PLCB1: variants seen among roughly 807,000 people sequenced by gnomAD.
PLCB1 encodes the protein phospholipase C beta 1, also known as 1-phosphatidylinositol 4,5-bisphosphate phosphodiesterase beta-1.
PLCB1 carries 46 observed loss-of-function variants against 161.8 expected under a neutral mutation model. The observed-to-expected ratio is 0.28, with a 90% CI of 0.22 to 0.36. PLCB1 has a LOEUF of 0.36. Ranked by LOEUF, PLCB1 falls within the 10% of genes least tolerant of loss-of-function variation. The pLI is 1.00. For missense variants in PLCB1, 1,016 were observed against 1,472.5 expected (o/e 0.69, Z 5.07); for synonymous variants, 517 against 503.7 (o/e 1.03, Z -0.35).
intron 3 of PLCB1, among the ~76,000 whole-genome samples, chr20:8,593,042 G>A (rs1283022292): frequency 1.3e-5 from 2 of 152,084 alleles, no homozygotes; most frequent in Non-Finnish European, 2.9e-5. Context: ...CACACAGCCA[G>A]GGTTGAGCCT....
intron 3 of PLCB1, among the ~76,000 whole-genome samples, chr20:8,492,274 A>C (rs1982978944): frequency 6.6e-6 from 1 of 152,014 alleles, no homozygotes; most frequent in Non-Finnish European, 1.5e-5. Flanking sequence ...TAGGCTTTTG[A>C]AAATAGCCCT....
At chr20:8,777,997 C>T (rs944829596) in intron 27 of PLCB1, among the ~76,000 whole-genome samples, 12 of 152,056 alleles carry the variant, frequency 7.9e-5, no homozygotes, top group African/African-American at 2.4e-4. Context: ...AGACTTGCCC[C>T]CATGATTCAT....
intron 3 of PLCB1, among the ~76,000 whole-genome samples, chr20:8,504,076 G>T (rs1459294130): frequency 6.6e-6 from 1 of 152,116 alleles, no homozygotes; most frequent in African/African-American, 2.4e-5. Flanking sequence ...TACTTGAAAG[G>T]CATTGGTTTA....
chr20:8,147,899 G>C (rs537873341), intron 1 of PLCB1, among the ~76,000 whole-genome samples: 1 of 140,802 alleles, frequency 7.1e-6, no homozygotes, highest in Non-Finnish European at 1.5e-5. Flanking sequence ...TTGAGACGGC[G>C]TCTCGCTCTG....
chr20:8,756,992 G>A, intron 23 of PLCB1, 54 bp from the exon 24 acceptor site: 2 of 1,506,134 alleles, frequency 1.3e-6, no homozygotes, highest in African/African-American at 1.4e-5. Context: ...GTTTAGGAAG[G>A]CAAGAAAAGA....
At chr20:8,270,814 G>A (rs562098770) in intron 2 of PLCB1, among the ~76,000 whole-genome samples, 15 of 152,086 alleles carry the variant, frequency 9.9e-5, no homozygotes, top group African/African-American at 3.4e-4. Context: ...GCTTATTTCT[G>A]TCAATAGGGT....
At chr20:8,322,446 C>G (rs1286721573) in intron 2 of PLCB1, among the ~76,000 whole-genome samples, 1 of 151,440 alleles carries the variant, frequency 6.6e-6, no homozygotes, top group Non-Finnish European at 1.5e-5. Flanking sequence ...TTTTATACAC[C>G]AGCTAAGGAG....
chr20:8,749,575 G>A (rs575719952), intron 23 of PLCB1, among the ~76,000 whole-genome samples: 1 of 152,258 alleles, frequency 6.6e-6, no homozygotes, highest in South Asian at 2.1e-4. Context: ...TAGCAGCCAA[G>A]AGTTCATTCC....
chr20:8,593,121 C>T (rs889326956), intron 3 of PLCB1, among the ~76,000 whole-genome samples: 1 of 152,118 alleles, frequency 6.6e-6, no homozygotes, highest in African/African-American at 2.4e-5. Context: ...GGCCTTTCCC[C>T]ATCTTTTGCC....
chr20:8,653,125 G>A (rs551399012), intron 7 of PLCB1: 4 of 152,060 alleles, frequency 2.6e-5, no homozygotes, highest in Non-Finnish European at 5.9e-5. Flanking sequence ...ACTGGCATAC[G>A]GAGTTGCATT....
intron 24 of PLCB1, 104 bp from the exon 25 acceptor site, chr20:8,760,303 T>C (rs1215233631): frequency 1.6e-6 from 1 of 641,868 alleles, no homozygotes. Context: ...GTCATTTCTC[T>C]GAAAAGAGAT....
intron 2 of PLCB1, among the ~76,000 whole-genome samples, chr20:8,239,623 G>T (rs1236524275): frequency 1.3e-5 from 2 of 151,546 alleles, no homozygotes; most frequent in Non-Finnish European, 2.9e-5. Flanking sequence ...GTCAGTTCAT[G>T]TAGCTGTGAG....
intron 3 of PLCB1, among the ~76,000 whole-genome samples, chr20:8,456,768 C>T (rs1600414377): frequency 6.6e-6 from 1 of 152,290 alleles, no homozygotes; most frequent in African/African-American, 2.4e-5. Context: ...GATTTGGTGT[C>T]TGGTGAGAGC....
At chr20:8,616,878 A>G (rs1988053428) in intron 3 of PLCB1, among the ~76,000 whole-genome samples, 1 of 152,176 alleles carries the variant, frequency 6.6e-6, no homozygotes, top group Non-Finnish European at 1.5e-5. Flanking sequence ...GTATTCCCCA[A>G]GAATAGTTTG....
intron 11 of PLCB1, among the ~76,000 whole-genome samples, chr20:8,706,013 G>T (rs888465335): frequency 6.6e-6 from 1 of 152,220 alleles, no homozygotes; most frequent in Non-Finnish European, 1.5e-5. Flanking sequence ...CTGTCAGTCA[G>T]CTTCTCCTAG....
chr20:8,600,529 T>G (rs1275509984), intron 3 of PLCB1, among the ~76,000 whole-genome samples: 2 of 151,154 alleles, frequency 1.3e-5, no homozygotes, highest in African/African-American at 2.4e-5. Context: ...CATTTAAGTC[T>G]GCAGAGGTTA....
chr20:8,432,310 C>T (rs1980083485), intron 3 of PLCB1, among the ~76,000 whole-genome samples: 1 of 152,204 alleles, frequency 6.6e-6, no homozygotes, highest in African/African-American at 2.4e-5. Context: ...ACAGCACCAA[C>T]TCCCGTGGCT....
intron 23 of PLCB1, among the ~76,000 whole-genome samples, chr20:8,756,329 C>T (rs563770187): frequency 1.3e-5 from 2 of 152,244 alleles, no homozygotes; most frequent in South Asian, 2.1e-4. Flanking sequence ...AAGTGAACTG[C>T]CCAAAATCAC....
At chr20:8,329,187 G>A (rs1199973370) in intron 2 of PLCB1, among the ~76,000 whole-genome samples, 1 of 152,178 alleles carries the variant, frequency 6.6e-6, no homozygotes, top group Admixed American at 6.5e-5. Flanking sequence ...ACAAATTCCA[G>A]CCACTTGAAA....
Sources: allele counts gnomAD v4.1 joint callset (sites outside exome capture counted in the v4.1 genomes callset), GRCh38; gene constraint gnomAD v4.1.1; transcripts MANE v1.5; gene names NCBI Gene and HGNC (gene_info 2026-07-23, HGNC 2026-07-21).